The following ENOX1 variants were observed in gnomAD, a reference collection of about 807,000 sequenced individuals.
ENOX1 encodes the protein candidate growth-related and time keeping constitutive hydroquinone (NADH) oxidase.
ENOX1 carries 42 observed loss-of-function variants against 82.5 expected under a neutral mutation model. The observed-to-expected ratio is 0.51, with a 90% CI of 0.40 to 0.66. The LOEUF (loss-of-function observed/expected upper bound fraction) is 0.66, where lower values mean the gene tolerates loss of function less well. Ranked by LOEUF, ENOX1 falls within the 30% of genes least tolerant of loss-of-function variation. ENOX1 has a pLI of 0.00. For synonymous variants in ENOX1, 271 were observed against 282.2 expected, an observed-to-expected ratio of 0.96 and a Z score of 0.40; for missense variants, 608 against 811.6, an observed-to-expected ratio of 0.75 and a Z score of 3.05.
chr13:43,672,028 C>T (rs1036572903), intron 1 of ENOX1, among the ~76,000 whole-genome samples: 12 of 152,126 alleles, frequency 7.9e-5, no homozygotes, highest in African/African-American at 2.9e-4. Flanking sequence ...ACCATTCATA[C>T]CATTGACATC....
chr13:43,661,174 CTATT>C (rs2084703331), intron 2 of ENOX1, among the ~76,000 whole-genome samples: 1 of 152,296 alleles, frequency 6.6e-6, no homozygotes, highest in South Asian at 2.1e-4. Flanking sequence ...GTCTCCAACA[CTATT>C]TATGCCACTG....
intron 2 of ENOX1, among the ~76,000 whole-genome samples, chr13:43,641,368 G>A (rs17460812): frequency 0.71 from 108,065 of 151,658 alleles, 38,717 homozygotes; most frequent in East Asian, 0.95. Flanking sequence ...CATTTGTTAA[G>A]AACCTAATCT....
intron 11 of ENOX1, among the ~76,000 whole-genome samples, chr13:43,305,593 A>T (rs1473469708): frequency 6.6e-6 from 1 of 152,052 alleles, no homozygotes; most frequent in Non-Finnish European, 1.5e-5. Flanking sequence ...TCCTCCAGAG[A>T]GCTCTTCCTG....
At chr13:43,529,149 T>A (rs2078104689) in intron 2 of ENOX1, among the ~76,000 whole-genome samples, 1 of 152,006 alleles carries the variant, frequency 6.6e-6, no homozygotes, top group Admixed American at 6.6e-5. Flanking sequence ...TCAACCACAG[T>A]CTGAAAGTAT....
rs1594720450 is a variant in ENOX1, at chr13:43,456,817, G to A, written c.-75+27192C>T. On this transcript the variant is annotated intron_variant, in intron 3 of 16. Transcript: ENST00000690772. The stretch of plus-strand genomic sequence containing the variant: ...ACTCCATATACTCTGTTGGTCTGAA[G>A]CTCCTGGCAATCAATTCTCCTTTTT... Among the ~76,000 whole-genome samples, 5 of 152,280 alleles carry A rather than the reference G, an allele frequency of 3.3e-5. 1 individual carries two copies. Among genetic ancestry groups the A allele is most frequent in the Admixed American group, 3.3e-4 (5 of 15,290 alleles).
intron 2 of ENOX1, among the ~76,000 whole-genome samples, chr13:43,641,995 A>C (rs972642442): frequency 6.6e-6 from 1 of 152,186 alleles, no homozygotes; most frequent in Non-Finnish European, 1.5e-5. Context: ...ACTACGTAAC[A>C]CTCACTTTGT....
chr13:43,464,366 G>A (rs554935429), intron 3 of ENOX1, among the ~76,000 whole-genome samples: 1 of 152,238 alleles, frequency 6.6e-6, no homozygotes, highest in Non-Finnish European at 1.5e-5. Context: ...ATATGTTGAG[G>A]AGCTTGCATT....
intron 3 of ENOX1, among the ~76,000 whole-genome samples, chr13:43,437,272 C>T (rs916125132): frequency 2.2e-4 from 33 of 152,126 alleles, no homozygotes; most frequent in African/African-American, 8.0e-4. Flanking sequence ...AAACAAAATA[C>T]GCATGGAATT....
chr13:43,263,701 T>C (rs1190648183), intron 14 of ENOX1, among the ~76,000 whole-genome samples: 1 of 152,240 alleles, frequency 6.6e-6, no homozygotes, highest in Non-Finnish European at 1.5e-5. Flanking sequence ...CAATAAGCCT[T>C]AAGGAAGGCA....
chr13:43,608,409 A>G (rs893800935), intron 2 of ENOX1, among the ~76,000 whole-genome samples: 1 of 152,216 alleles, frequency 6.6e-6, no homozygotes, highest in Non-Finnish European at 1.5e-5. Context: ...AGGAATCGCC[A>G]ATCCAATGAA....
chr13:43,733,215 T>C (rs1007334095), intron 1 of ENOX1, among the ~76,000 whole-genome samples: 43 of 152,096 alleles, frequency 2.8e-4, no homozygotes, highest in African/African-American at 7.7e-4. Context: ...TTTTATACCA[T>C]ACACATAAGG....
intron 2 of ENOX1, among the ~76,000 whole-genome samples, chr13:43,523,843 G>A (rs2077877851): frequency 6.6e-6 from 1 of 152,104 alleles, no homozygotes; most frequent in Non-Finnish European, 1.5e-5. Flanking sequence ...CACAGAAAAT[G>A]TAGCCACCCA....
chr13:43,354,429 T>C lies in ENOX1; in HGVS notation c.823+1490A>G, dbSNP rs561554326. ...TGATTAAGGATTCTCAAGCCCTGGA[T>C]GGGGGATGAAGATTGGAAGCACAGC... is the stretch of plus-strand genomic sequence containing the variant. On this transcript the variant is annotated intron_variant, in intron 8 of 16. Transcript: ENST00000690772. Among the ~76,000 whole-genome samples, 4 of 151,240 alleles carry C rather than the reference T, an allele frequency of 2.6e-5. No homozygotes were observed. In the South Asian group the frequency reaches 8.4e-4, roughly 32 times the overall value.
chr13:43,731,312 T>C (rs373252552), intron 1 of ENOX1, among the ~76,000 whole-genome samples: 40 of 152,210 alleles, frequency 2.6e-4, no homozygotes, highest in African/African-American at 9.2e-4. Context: ...ATATTTCACA[T>C]AGAGTATTTT....
rs10555409 is a variant in ENOX1 at position 43,310,197 on chromosome 13, C to CAAAAA, written c.1262-11672_1262-11668dup. On this transcript the variant is annotated intron_variant, in intron 11 of 16. Coordinates refer to ENST00000690772, the MANE Select transcript of ENOX1 (RefSeq NM_001347969.2). ...CTGGTGACAGAGCGAGATTCCATCTCAAAAAAAAAAAAAAAAAAAAAAAAA... is the reference window on the plus strand; with the variant it reads ...CTGGTGACAGAGCGAGATTCCATCTCAAAAAAAAAAAAAAAAAAAAAAAAAAAAAA... Among the ~76,000 whole-genome samples, 2 of 82,608 alleles carry CAAAAA rather than the reference C, an allele frequency of 2.4e-5. 1 individual carries two copies. Among genetic ancestry groups the CAAAAA allele is most frequent in the Non-Finnish European group, 4.8e-5 (2 of 41,940 alleles). 54.2% of individuals were successfully genotyped at this position (82,608 alleles called of 152,430 possible). A position where few individuals can be genotyped will look rare whatever the true frequency, so the allele number is the denominator to read the frequency against.
chr13:43,702,953 C>CAAAAAAAAAAAA lies in ENOX1; in HGVS notation c.-284-35421_-284-35410dup, dbSNP rs60810191. 2.4e-4 allele frequency among the ~76,000 whole-genome samples: 12 copies of CAAAAAAAAAAAA among 51,028 alleles called. 1 individual carries two copies. Among genetic ancestry groups the CAAAAAAAAAAAA allele is most frequent in the Non-Finnish European group, 2.9e-4 (9 of 30,544 alleles). 33.5% of individuals were successfully genotyped at this position (51,028 alleles called of 152,430 possible). Reference sequence around the variant, plus strand: ...GGGCAACAAGAGTGAGACTCTGTCTCAAAAAAAAAAAAAAAAAAAAAAAAA... The same window carrying CAAAAAAAAAAAA: ...GGGCAACAAGAGTGAGACTCTGTCTCAAAAAAAAAAAAAAAAAAAAAAAAAAAAAAAAAAAAA... On this transcript the variant is annotated intron_variant, in intron 1 of 16. Coordinates refer to ENST00000690772, the MANE Select transcript of ENOX1 (RefSeq NM_001347969.2).
chr13:43,298,601 AG>A (rs2046405670), intron 11 of ENOX1, 71 bp from the exon 12 acceptor site: 1 of 1,414,142 alleles, frequency 7.1e-7, no homozygotes, highest in South Asian at 1.4e-5. Flanking sequence ...TCTGTGGGAA[AG>A]GGAGTCTGTC....
chr13:43,500,221 A>G (rs1415392891), intron 2 of ENOX1, among the ~76,000 whole-genome samples: 1 of 152,172 alleles, frequency 6.6e-6, no homozygotes, highest in East Asian at 1.9e-4. Flanking sequence ...TAAAACCTGA[A>G]GACGGAAATG....
intron 2 of ENOX1, among the ~76,000 whole-genome samples, chr13:43,503,149 T>A (rs1363775979): frequency 6.6e-6 from 1 of 151,600 alleles, no homozygotes; most frequent in African/African-American, 2.4e-5. Flanking sequence ...TCAGGAATAA[T>A]CTTTACCAAG....
Sources: allele counts gnomAD v4.1 joint callset (sites outside exome capture counted in the v4.1 genomes callset), GRCh38; gene constraint gnomAD v4.1.1; transcripts MANE v1.5; gene names NCBI Gene and HGNC (gene_info 2026-07-23, HGNC 2026-07-21).